The following BCL7C variants were observed in gnomAD, a reference collection of about 807,000 sequenced individuals.
The protein encoded by BCL7C is BAF chromatin remodeling complex subunit BCL7C.
In BCL7C, 8 loss-of-function variants were observed where a neutral mutation model predicts 26.2. The ratio of observed to expected loss-of-function variants is 0.30; its 90% CI spans 0.18 to 0.55. BCL7C has a LOEUF of 0.55. Ranked by LOEUF, BCL7C falls within the 20% of genes least tolerant of loss-of-function variation. BCL7C has a pLI of 0.93. For synonymous variants in BCL7C, 90 were observed against 116.5 expected (o/e 0.77, Z 1.47); for missense variants, 262 against 298.5 (o/e 0.88, Z 0.90).
At chr16:30,866,481 G>A (rs2054829702) in intron 5 of BCL7C, among the ~76,000 whole-genome samples, 2 of 151,678 alleles carry the variant, frequency 1.3e-5, no homozygotes, top group South Asian at 4.2e-4. Flanking sequence ...GGGGGCTGAG[G>A]CATGACAATC....
intron 5 of BCL7C, 177 bp downstream of exon 5, chr16:30,888,683 C>T: frequency 1.8e-6 from 1 of 563,192 alleles, no homozygotes; most frequent in Non-Finnish European, 3.2e-6. Flanking sequence ...GCCCTCAGCA[C>T]TTTGTCTCTG....
In BCL7C at chr16:30,863,691, A is replaced by G. The variant is rs930438520; in HGVS notation, c.528+25169T>C. On this transcript the variant is annotated intron_variant, in intron 5 of 5. Coordinates refer to the BCL7C transcript ENST00000380317. ...CTCCCACTGAAACTTTCACCTATCA[A>G]TCTCTTCCCACACAAGGTAAACGGT... is the stretch of plus-strand genomic sequence containing the variant. Among the ~76,000 whole-genome samples, 5 of 152,064 alleles carry G rather than the reference A, an allele frequency of 3.3e-5. No individual in the cohort carries two copies. In the South Asian group the frequency reaches 1.0e-3, roughly 32 times the overall value.
At chr16:30,846,239 T>TA (rs1567308533) in intron 5 of BCL7C, among the ~76,000 whole-genome samples, 5,584 of 148,610 alleles carry the variant, frequency 0.038, 376 homozygotes, top group African/African-American at 0.13. Context: ...TTTATTTATT[T>TA]TTTGGAGATG....
At chr16:30,849,660 A>G (rs2054658885) in intron 5 of BCL7C, among the ~76,000 whole-genome samples, 1 of 152,006 alleles carries the variant, frequency 6.6e-6, no homozygotes, top group Non-Finnish European at 1.5e-5. Context: ...CATGTTGGCC[A>G]GGCTGGTCTT....
intron 5 of BCL7C, among the ~76,000 whole-genome samples, chr16:30,881,392 TCACACA>T (rs72155482): frequency 0.018 from 2,605 of 144,174 alleles, 226 homozygotes; most frequent in Admixed American, 0.14. Context: ...TGAGACTCCG[TCACACA>T]CACACACACA....
At chr16:30,866,203 T>C (rs1828987327) in intron 5 of BCL7C, among the ~76,000 whole-genome samples, 1 of 152,020 alleles carries the variant, frequency 6.6e-6, no homozygotes, top group South Asian at 2.1e-4. Context: ...AATATTTTGA[T>C]GGAGGAGGAT....
At chr16:30,887,412 G>A (rs2055149465), downstream of BCL7C, among the ~76,000 whole-genome samples, 1 of 150,782 alleles carries the variant, frequency 6.6e-6, no homozygotes, top group Non-Finnish European at 1.5e-5. Flanking sequence ...GGGATGTCAA[G>A]GCTGCAGTGA....
chr16:30,848,845 T>C (rs2054651943), intron 5 of BCL7C, among the ~76,000 whole-genome samples: 1 of 149,408 alleles, frequency 6.7e-6, no homozygotes, highest in Non-Finnish European at 1.5e-5. Flanking sequence ...TGAGCCAAGA[T>C]TGTGCCATTG....
At chr16:30,863,592 AG>A (rs2054796260) in intron 5 of BCL7C, among the ~76,000 whole-genome samples, 1 of 152,204 alleles carries the variant, frequency 6.6e-6, no homozygotes, top group Admixed American at 6.5e-5. Flanking sequence ...AGGTAGCTAA[AG>A]AAGCAGCTAG....
intron 5 of BCL7C, among the ~76,000 whole-genome samples, chr16:30,836,471 C>CTTTT (rs762842983): frequency 2.6e-5 from 3 of 116,954 alleles, no homozygotes; most frequent in East Asian, 2.5e-4. Flanking sequence ...GAGACCCTGT[C>CTTTT]TTTTTTTTTT....
intron 5 of BCL7C, among the ~76,000 whole-genome samples, chr16:30,869,686 T>A (rs1437829709): frequency 6.6e-6 from 1 of 151,910 alleles, no homozygotes; most frequent in East Asian, 1.9e-4. Context: ...TAATTTTTTT[T>A]ATTTTTTGTA....
At chr16:30,853,497 ATCAC>A (rs2054694422) in intron 5 of BCL7C, among the ~76,000 whole-genome samples, 1 of 152,184 alleles carries the variant, frequency 6.6e-6, no homozygotes, top group Non-Finnish European at 1.5e-5. Flanking sequence ...TTGAGGCACT[ATCAC>A]TCTTTCAAAA....
At chr16:30,873,998 C>CT (rs761712229) in intron 5 of BCL7C, among the ~76,000 whole-genome samples, 544 of 108,600 alleles carry the variant, frequency 5.0e-3, no homozygotes, top group African/African-American at 0.015. Context: ...GGTGTCAAAC[C>CT]TTTTTTTTTT....
At chr16:30,857,203 A>G (rs1180105546) in intron 5 of BCL7C, among the ~76,000 whole-genome samples, 2 of 151,988 alleles carry the variant, frequency 1.3e-5, no homozygotes, top group Non-Finnish European at 2.9e-5. Flanking sequence ...AGCCTGGCCA[A>G]CATGGTGAAA....
chr16:30,888,078 C>T, intron 5 of BCL7C, 88 bp from the exon 6 acceptor site: 1 of 1,401,780 alleles, frequency 7.1e-7, no homozygotes, highest in South Asian at 1.4e-5. Flanking sequence ...CCTCCACTCC[C>T]CTCCCCTCCT....
downstream of BCL7C, chr16:30,887,758 C>T (rs1310473810): frequency 6.8e-7 from 1 of 1,472,376 alleles, no homozygotes; most frequent in Non-Finnish European, 9.0e-7. Flanking sequence ...TCCAAAGACC[C>T]TCCCCAGCCC....
intron 5 of BCL7C, among the ~76,000 whole-genome samples, chr16:30,841,460 C>T (rs2054601622): frequency 1.3e-5 from 2 of 152,178 alleles, no homozygotes; most frequent in African/African-American, 4.8e-5. Context: ...ACTGCGCCTG[C>T]TGCCAAAAGG....
chr16:30,878,138 G>T (rs915266151), intron 5 of BCL7C, among the ~76,000 whole-genome samples: 7 of 151,716 alleles, frequency 4.6e-5, no homozygotes, highest in African/African-American at 1.7e-4. Context: ...TCATGCCACT[G>T]CACTGCAGCC....
chr16:30,892,731 C>G lies in BCL7C; in HGVS notation c.297G>C (p.Gln99His). The G allele has an allele frequency of 6.2e-7, 1 of 1,614,162 alleles. No homozygotes were observed. The highest frequency in any genetic ancestry group is 8.5e-7 in the Non-Finnish European group (1 of 1,180,022). Residue 99 changes from glutamine (Q) to histidine (H), a missense_variant, in exon 4 of 6, where the codon CAG becomes CAC. Gln to His is a conservative substitution (Grantham distance 24, BLOSUM62 0). Transcript: ENST00000215115. The stretch of plus-strand genomic sequence containing the variant: ...GCAGGGAACCTTCCGAATGGAAACT[C>G]TGGTTGCTGTTCTCATCTGCGGGAG... ...LLDLNDENSN[Q>H]SFHSEGSLQK... is the part of the protein sequence containing the mutation.
Sources: gnomAD v4.1 joint callset for allele counts (sites outside exome capture counted in the v4.1 genomes callset) on GRCh38, gnomAD v4.1.1 for gene constraint, MANE v1.5 for transcripts, NCBI Gene and HGNC (gene_info 2026-07-23, HGNC 2026-07-21) for gene names.